TPO: variants seen among roughly 807,000 people sequenced by gnomAD.
TPO encodes thyroid peroxidase, also known as thyroid microsomal antigen.
Under a neutral mutation model 96.9 loss-of-function variants are expected in TPO, and 78 were observed. That is an observed-to-expected ratio of 0.81 (90% CI 0.67 to 0.97). The LOEUF is 0.97. Ranked by LOEUF, TPO falls within the 50% of genes least tolerant of loss-of-function variation. The pLI, the probability that TPO is intolerant of heterozygous loss-of-function variation, is 0.00. For missense variants in TPO, 1,252 were observed against 1,274.8 expected (o/e 0.98, Z 0.27); for synonymous variants, 547 against 538.0 (o/e 1.02, Z -0.23).
intron 1 of TPO, among the ~76,000 whole-genome samples, chr2:1,404,562 G>A (rs916741043): frequency 6.6e-6 from 1 of 152,170 alleles, no homozygotes; most frequent in Non-Finnish European, 1.5e-5. Flanking sequence ...AGGAGATTAG[G>A]ACACAGACAC....
intron 13 of TPO, among the ~76,000 whole-genome samples, chr2:1,497,292 G>A (rs970248817): frequency 1.3e-5 from 2 of 152,204 alleles, no homozygotes; most frequent in African/African-American, 4.8e-5. Context: ...CTTTCAGGCC[G>A]CAAGGCAAGA....
intron 2 of TPO, among the ~76,000 whole-genome samples, chr2:1,418,053 C>T (rs1250328879): frequency 2.0e-5 from 3 of 152,194 alleles, no homozygotes; most frequent in South Asian, 2.1e-4. Flanking sequence ...GAGGCCGAGG[C>T]GGGAAGATCA....
intron 15 of TPO, among the ~76,000 whole-genome samples, chr2:1,539,243 T>C (rs1187533030): frequency 6.6e-6 from 1 of 152,226 alleles, no homozygotes; most frequent in Non-Finnish European, 1.5e-5. Flanking sequence ...CTTCACTGAA[T>C]TTTAATAGAA....
In TPO at chr2:1,456,368, A is replaced by G. The variant is rs4927612; in HGVS notation, c.819+86A>G. 0.37 allele frequency: 527,868 copies of G among 1,411,828 alleles called. 101,164 individuals carry two copies. Among genetic ancestry groups the G allele is most frequent in the South Asian group, 0.48 (38,998 of 81,314 alleles). 87.5% of individuals were successfully genotyped at this position (1,411,828 alleles called of 1,614,324 possible). On this transcript the variant is annotated intron_variant, in intron 7 of 16. Transcript: ENST00000329066. The stretch of plus-strand genomic sequence containing the variant: ...ACAGAATGGTATAAAACAAAATGTG[A>G]AAGTCTGTTTCTTTGTCCTATTCCC...
At chr2:1,466,184 G>A (rs1468385858) in intron 7 of TPO, among the ~76,000 whole-genome samples, 1 of 152,132 alleles carries the variant, frequency 6.6e-6, no homozygotes, top group Non-Finnish European at 1.5e-5. Context: ...CTTACATGGT[G>A]TATCACATTT....
At chr2:1,377,282 A>G (rs1041235659) in intron 1 of TPO, among the ~76,000 whole-genome samples, 22 of 152,182 alleles carry the variant, frequency 1.4e-4, no homozygotes, top group African/African-American at 5.3e-4. Context: ...TATGCATTGG[A>G]ATACGGTCTT....
chr2:1,541,482 G>C (rs1680762877), intron 16 of TPO: 1 of 154,358 alleles, frequency 6.5e-6, no homozygotes, highest in Non-Finnish European at 1.4e-5. Flanking sequence ...TCAGCCTCTT[G>C]CGTGGCTGGG....
intron 13 of TPO, among the ~76,000 whole-genome samples, chr2:1,503,036 C>A (rs926244394): frequency 6.6e-6 from 1 of 152,204 alleles, no homozygotes; most frequent in Non-Finnish European, 1.5e-5. Flanking sequence ...TCTCATCGTC[C>A]TGGGGTGGCC....
At chr2:1,533,364 C>T (rs1426917178) in intron 15 of TPO, among the ~76,000 whole-genome samples, 2 of 129,676 alleles carry the variant, frequency 1.5e-5, no homozygotes, top group Non-Finnish European at 3.2e-5. Flanking sequence ...CAAATCCCCC[C>T]ACTGTGTGCA....
At chr2:1,526,447 G>A (rs1393773510) in intron 15 of TPO, among the ~76,000 whole-genome samples, 3 of 115,616 alleles carry the variant, frequency 2.6e-5, no homozygotes, top group Admixed American at 2.3e-4. Context: ...CCCCAACTGT[G>A]TGCAACCTCC....
chr2:1,429,521 G>A (rs1664771178), intron 3 of TPO, among the ~76,000 whole-genome samples: 1 of 152,210 alleles, frequency 6.6e-6, no homozygotes, highest in South Asian at 2.1e-4. Flanking sequence ...GGTTGGAAGA[G>A]TTTGGAGGGC....
At chr2:1,467,941 G>T (rs1436826193) in intron 7 of TPO, among the ~76,000 whole-genome samples, 1 of 149,784 alleles carries the variant, frequency 6.7e-6, no homozygotes, top group African/African-American at 2.5e-5. Flanking sequence ...ATTATATAAT[G>T]ACCCTCTTTG....
intron 14 of TPO, among the ~76,000 whole-genome samples, chr2:1,510,396 T>C (rs928632486): frequency 6.6e-6 from 1 of 152,148 alleles, no homozygotes; most frequent in African/African-American, 2.4e-5. Flanking sequence ...TTTGATAATA[T>C]CTAACCCTGT....
rs1680898065 is a variant in TPO at position 1,542,707 on chromosome 2, T to C, written c.*233T>C. The C allele has an allele frequency of 1.6e-6, 2 of 1,259,072 alleles. No homozygotes were observed. The highest frequency in any genetic ancestry group is 1.5e-5 in the African/African-American group (1 of 67,050). The allele number at this position is 1,259,072 out of a possible 1,614,324, so 78.0% of individuals were successfully genotyped here. On this transcript the variant is annotated 3_prime_UTR_variant, in exon 17 of 17. Coordinates refer to ENST00000329066, the MANE Select transcript of TPO (RefSeq NM_001206744.2). ...ATTTGTTCCTTCTGGGGCTTTGCCATTAAAATGTATTTACAGATTACACAT... is the reference window on the plus strand; with the variant it reads ...ATTTGTTCCTTCTGGGGCTTTGCCACTAAAATGTATTTACAGATTACACAT...
chr2:1,523,908 T>G, intron 15 of TPO, among the ~76,000 whole-genome samples: 1 of 87,740 alleles, frequency 1.1e-5, no homozygotes, highest in Non-Finnish European at 2.0e-5. Context: ...CCCCCAACTG[T>G]AATCAACCTC....
At position 1,494,011 on chromosome 2, in the gene TPO, C is replaced by G. The variant is rs121908088; in HGVS notation, c.1978C>G (p.Gln660Glu). The G allele has an allele frequency of 3.1e-4, 506 of 1,614,164 alleles. 1 individual carries two copies. The highest frequency in any genetic ancestry group is 1.1e-3 in the Admixed American group (68 of 60,024). Reference protein sequence around the residue: ...GPLFACLIGKQMKALRDGDWF... With the variant: ...GPLFACLIGKEMKALRDGDWF... Reference sequence around the variant, plus strand: ...CCTGTTTGCCTGTCTCATTGGGAAGCAGATGAAGGCTCTGCGGGACGGTGA... The same window carrying G: ...CCTGTTTGCCTGTCTCATTGGGAAGGAGATGAAGGCTCTGCGGGACGGTGA... Residue 660 changes from glutamine (Q) to glutamate (E), a missense_variant, in exon 11 of 17, where the codon CAG becomes GAG. Transcript: ENST00000329066.
intron 3 of TPO, among the ~76,000 whole-genome samples, chr2:1,425,641 C>T (rs917247773): frequency 2.0e-5 from 3 of 152,124 alleles, no homozygotes; most frequent in Admixed American, 6.5e-5. Context: ...ATTTCATATC[C>T]TCAGAAGTCT....
chr2:1,413,605 G>A (rs1662578104), intron 1 of TPO, 60 bp downstream of exon 1: 4 of 910,890 alleles, frequency 4.4e-6, no homozygotes, highest in Non-Finnish European at 5.2e-6. Context: ...ATTGGAACTT[G>A]TAAAGTGGCC....
chr2:1,482,130 C>T lies in TPO; in HGVS notation c.1339-2466C>T, dbSNP rs532402539. On this transcript the variant is annotated intron_variant, in intron 8 of 16. Coordinates refer to ENST00000329066, the MANE Select transcript of TPO (RefSeq NM_001206744.2). ...CAGGGTAGGTGACTTTGAAAGCAGT[C>T]GAGAGTCAGAAAGTTCAGAGGAGCC... Among the ~76,000 whole-genome samples, 4 of 152,308 alleles carry T rather than the reference C, an allele frequency of 2.6e-5. No homozygotes were observed. In the South Asian group the frequency reaches 6.2e-4, roughly 24 times the overall value.
Sources: gnomAD v4.1 joint callset for allele counts (sites outside exome capture counted in the v4.1 genomes callset) on GRCh38, gnomAD v4.1.1 for gene constraint, MANE v1.5 for transcripts, NCBI Gene and HGNC (gene_info 2026-07-23, HGNC 2026-07-21) for gene names.